Variants in KLF8 observed in about 807,000 individuals in gnomAD.
KLF8 encodes the protein KLF transcription factor 8, also known as Krueppel-like factor 8.
A neutral mutation model predicts 18.2 loss-of-function variants in KLF8; 10 were observed. That is an observed-to-expected ratio of 0.55 (90% CI 0.34 to 0.93). The LOEUF (loss-of-function observed/expected upper bound fraction) is 0.93. Ranked by LOEUF, KLF8 falls within the 40% of genes least tolerant of loss-of-function variation. The pLI, the probability that KLF8 is intolerant of heterozygous loss-of-function variation, is 0.02. For missense variants in KLF8, 264 were observed against 277.9 expected, an observed-to-expected ratio of 0.95 and a Z score of 0.36; for synonymous variants, 109 against 97.3, an observed-to-expected ratio of 1.12 and a Z score of -0.71.
the KLF8 span, among the ~76,000 whole-genome samples, chrX:56,076,387 G>T: frequency 2.0e-5 from 2 of 100,583 alleles, no homozygotes; most frequent in African/African-American, 7.4e-5. Flanking sequence ...GAGAATATGC[G>T]GTGTTTGATT....
chrX:56,004,835 G>A, the KLF8 span, among the ~76,000 whole-genome samples: 5 of 110,745 alleles, frequency 4.5e-5, no homozygotes, highest in African/African-American at 1.6e-4. Context: ...ATGAGGTTAG[G>A]TATTGAAGAC....
At chrX:56,129,319 A>C in the KLF8 span, among the ~76,000 whole-genome samples, 1 of 111,774 alleles carries the variant, frequency 8.9e-6, no homozygotes, top group Non-Finnish European at 1.9e-5. Context: ...CTCCTGCAGG[A>C]CCCGGGAGAT....
the KLF8 span, among the ~76,000 whole-genome samples, chrX:56,048,990 T>G: frequency 9.7e-3 from 1,078 of 111,643 alleles, 8 homozygotes; most frequent in Non-Finnish European, 0.016. Context: ...TCACATCCCT[T>G]GTAAGTTGGA....
the KLF8 span, among the ~76,000 whole-genome samples, chrX:55,917,384 A>G: frequency 2.7e-5 from 3 of 112,136 alleles, no homozygotes; most frequent in South Asian, 3.7e-4. Context: ...CCTTTATCCA[A>G]TTCTTTAGTT....
chrX:56,279,092 T>G (rs1237987481), intron 5 of KLF8, among the ~76,000 whole-genome samples: 1 of 111,909 alleles, frequency 8.9e-6, no homozygotes, highest in African/African-American at 3.3e-5. Context: ...TTTCAGTGCT[T>G]CTTTTAACAA....
the KLF8 span, among the ~76,000 whole-genome samples, chrX:56,046,637 A>C: frequency 1.8e-5 from 2 of 109,713 alleles, no homozygotes; most frequent in Non-Finnish European, 3.8e-5. Flanking sequence ...TCTTTCATCT[A>C]TGAAGCTTTG....
chrX:56,210,319 G>T, the KLF8 span, among the ~76,000 whole-genome samples: 74 of 111,273 alleles, frequency 6.7e-4, no homozygotes, highest in Admixed American at 5.5e-3. Flanking sequence ...TGCTATTCTG[G>T]GATAAGTTTA....
At chrX:56,022,202 C>A in the KLF8 span, among the ~76,000 whole-genome samples, 2 of 110,969 alleles carry the variant, frequency 1.8e-5, no homozygotes, top group South Asian at 3.8e-4. Flanking sequence ...GTTTTCAGAA[C>A]TCTAGAAATT....
At chrX:56,251,695 T>C (rs924318376) in intron 2 of KLF8, among the ~76,000 whole-genome samples, 1 of 110,765 alleles carries the variant, frequency 9.0e-6, no homozygotes, top group Non-Finnish European at 1.9e-5. Flanking sequence ...ACTCCTGACC[T>C]CATGATCCGC....
the KLF8 span, among the ~76,000 whole-genome samples, chrX:55,958,492 G>A: frequency 1.8e-5 from 2 of 111,733 alleles, no homozygotes; most frequent in African/African-American, 6.5e-5. Flanking sequence ...TGGGGGATGG[G>A]TAATTTTTGC....
chrX:56,242,435 G>A (rs1313590416), intron 1 of KLF8, among the ~76,000 whole-genome samples: 1 of 111,732 alleles, frequency 8.9e-6, no homozygotes, highest in African/African-American at 3.3e-5. Flanking sequence ...AACTTATATG[G>A]CTATTTTATC....
At chrX:56,127,202 C>A in the KLF8 span, among the ~76,000 whole-genome samples, 2 of 111,469 alleles carry the variant, frequency 1.8e-5, no homozygotes, top group Non-Finnish European at 1.9e-5. Flanking sequence ...GTTTATTGTC[C>A]ATTTTCCCTA....
chrX:55,932,887 T>C, the KLF8 span, among the ~76,000 whole-genome samples: 1 of 111,935 alleles, frequency 8.9e-6, no homozygotes, highest in African/African-American at 3.2e-5. Flanking sequence ...TGGTGTGCAC[T>C]GTATTTCAGG....
At chrX:56,224,570 T>G in the KLF8 span, among the ~76,000 whole-genome samples, 1 of 111,762 alleles carries the variant, frequency 8.9e-6, no homozygotes, top group African/African-American at 3.3e-5. Context: ...CTAAACTGTG[T>G]TTGTTTCTGT....
At chrX:56,169,485 G>A in the KLF8 span, among the ~76,000 whole-genome samples, 30 of 110,737 alleles carry the variant, frequency 2.7e-4, no homozygotes, top group African/African-American at 9.5e-4. Context: ...TGCCCTGAAA[G>A]GTGTGTCTCA....
the KLF8 span, among the ~76,000 whole-genome samples, chrX:56,131,807 T>C: frequency 9.0e-6 from 1 of 111,530 alleles, no homozygotes; most frequent in Admixed American, 9.5e-5. Context: ...TCCATGCAAA[T>C]GGACACAGAA....
chrX:55,985,869 G>C, the KLF8 span, among the ~76,000 whole-genome samples: 3 of 110,469 alleles, frequency 2.7e-5, no homozygotes, highest in African/African-American at 9.9e-5. Flanking sequence ...CTTTATTCCT[G>C]GGTATTATAT....
the KLF8 span, among the ~76,000 whole-genome samples, chrX:56,168,765 G>C: frequency 9.2e-6 from 1 of 108,760 alleles, no homozygotes; most frequent in Non-Finnish European, 1.9e-5. Context: ...TTCTGTTCTT[G>C]CGATAGTTTG....
At chrX:56,149,663 T>C in the KLF8 span, among the ~76,000 whole-genome samples, 2 of 111,483 alleles carry the variant, frequency 1.8e-5, no homozygotes, top group African/African-American at 6.5e-5. Context: ...GTGGGTGGTG[T>C]GCAGGTTCAA....
Sources: gnomAD v4.1 joint callset for allele counts (sites outside exome capture counted in the v4.1 genomes callset) on GRCh38, gnomAD v4.1.1 for gene constraint, MANE v1.5 for transcripts, NCBI Gene and HGNC (gene_info 2026-07-23, HGNC 2026-07-21) for gene names.